WFDC8: variants seen among roughly 807,000 people sequenced by gnomAD.
WFDC8 encodes the protein WAP four-disulfide core domain protein 8.
A neutral mutation model predicts 27.0 loss-of-function variants in WFDC8; 24 were observed. The ratio of observed to expected loss-of-function variants is 0.89; its 90% confidence interval spans 0.64 to 1.25. The LOEUF (loss-of-function observed/expected upper bound fraction) is 1.25, where lower values mean the gene tolerates loss of function less well. WFDC8 is among the 50% of genes most tolerant of loss of function. WFDC8 has a pLI of 0.00. For missense variants in WFDC8, 287 were observed against 295.9 expected (o/e 0.97, Z 0.22); for synonymous variants, 106 against 99.7 (o/e 1.06, Z -0.38).
At position 45,579,221 on chromosome 20, in the gene WFDC8, C is replaced by T. The variant is rs780668727; in HGVS notation, c.26+1G>A. On this transcript the variant is annotated splice_donor_variant, in intron 1 of 5. Transcript: ENST00000289953. LOFTEE classifies it high-confidence loss of function. Reference sequence around the variant, plus strand: ...CCCACCCCCATAGACACCCTCCTCACCCTCCTTCAGTTCGGACAGTCCACA... The same window carrying T: ...CCCACCCCCATAGACACCCTCCTCATCCTCCTTCAGTTCGGACAGTCCACA... 8 of 1,613,688 alleles carry T rather than the reference C, an allele frequency of 5.0e-6. No individual in the cohort carries two copies. Among genetic ancestry groups the T allele is most frequent in the Non-Finnish European group, 6.8e-6 (8 of 1,179,930 alleles).
chr20:45,572,753 T>C (rs145676090), intron 1 of WFDC8, among the ~76,000 whole-genome samples: 3 of 152,314 alleles, frequency 2.0e-5, no homozygotes, highest in Non-Finnish European at 2.9e-5. Flanking sequence ...ACTACAGGCA[T>C]GCGCCATCAT....
chr20:45,555,910 G>T, intron 3 of WFDC8, 42 bp from the exon 4 acceptor site: 1 of 1,590,752 alleles, frequency 6.3e-7, no homozygotes, highest in African/African-American at 1.3e-5. Context: ...GAAGAGTAGA[G>T]ATAAAAGAAC....
chr20:45,551,210 A>G (rs1980021680), downstream of WFDC8: 1 of 152,220 alleles, frequency 6.6e-6, no homozygotes, highest in South Asian at 2.1e-4. Flanking sequence ...AAAATTTAGT[A>G]ATTTATTATG....
chr20:45,553,323 C>T (rs775985954), intron 4 of WFDC8, 47 bp from the exon 5 acceptor site: 1 of 1,578,596 alleles, frequency 6.3e-7, no homozygotes, highest in Non-Finnish European at 8.6e-7. Flanking sequence ...ACCCCCATCC[C>T]ACCACCCTTC....
chr20:45,561,739 CGT>C (rs10534885), intron 2 of WFDC8, among the ~76,000 whole-genome samples: 6,556 of 147,644 alleles, frequency 0.044, 222 homozygotes, highest in East Asian at 0.19. Context: ...ATTAAACTTG[CGT>C]GTGTGTGTGT....
intron 5 of WFDC8, among the ~76,000 whole-genome samples, chr20:45,552,934 A>T (rs1190572604): frequency 6.6e-6 from 1 of 152,226 alleles, no homozygotes; most frequent in Non-Finnish European, 1.5e-5. Flanking sequence ...GCTATGAATT[A>T]CTGGCTTTGA....
intron 1 of WFDC8, among the ~76,000 whole-genome samples, chr20:45,572,014 T>C (rs1980884405): frequency 6.6e-6 from 1 of 152,218 alleles, no homozygotes; most frequent in African/African-American, 2.4e-5. Context: ...TGCTGGATTA[T>C]GCAGTAATTC....
chr20:45,565,194 T>C (rs1980635743), intron 1 of WFDC8, among the ~76,000 whole-genome samples: 1 of 152,114 alleles, frequency 6.6e-6, no homozygotes, highest in Admixed American at 6.6e-5. Flanking sequence ...GAGATTTTGA[T>C]TGAAATCCAC....
intron 2 of WFDC8, among the ~76,000 whole-genome samples, chr20:45,560,141 A>G (rs1226895388): frequency 6.6e-6 from 1 of 152,244 alleles, no homozygotes; most frequent in Non-Finnish European, 1.5e-5. Context: ...TCTGGTTGGT[A>G]GAGAAGAATT....
At chr20:45,556,259 T>C (rs1387735616) in intron 3 of WFDC8, among the ~76,000 whole-genome samples, 1 of 152,244 alleles carries the variant, frequency 6.6e-6, no homozygotes, top group African/African-American at 2.4e-5. Context: ...CTTAAATAAA[T>C]GTGGTTATAT....
At chr20:45,561,051 A>G (rs938474604) in intron 2 of WFDC8, among the ~76,000 whole-genome samples, 1 of 152,182 alleles carries the variant, frequency 6.6e-6, no homozygotes, top group Admixed American at 6.5e-5. Flanking sequence ...ACTGGGTTTG[A>G]GTTGTTGTAG....
chr20:45,556,084 A>C (rs1980235520), intron 3 of WFDC8, among the ~76,000 whole-genome samples: 1 of 152,224 alleles, frequency 6.6e-6, no homozygotes, highest in South Asian at 2.1e-4. Flanking sequence ...CTTGCAAAGA[A>C]TATTACAAGG....
Position 45,562,156 on chromosome 20 carries a change from G to T in WFDC8, c.90C>A (p.Ser30=). ...TTGCAGAAGTCCACTCCAAAGCAAG[G>T]GAGAGAAGCAGCAGGAAAGCTACAT... is the stretch of plus-strand genomic sequence containing the variant. ...WRNVAFLLLL[S]LALEWTSAML... The change falls in exon 2 of 6, where the codon TCC becomes TCA. Residue 30 remains serine (S), a synonymous_variant. Coordinates refer to ENST00000289953, the MANE Select transcript of WFDC8 (RefSeq NM_130896.3). The T allele has an allele frequency of 6.2e-7, 1 of 1,614,164 alleles. No homozygotes were observed. The highest frequency in any genetic ancestry group is 8.5e-7 in the Non-Finnish European group (1 of 1,180,028).
At chr20:45,557,647 G>A (rs1015869147) in intron 3 of WFDC8, among the ~76,000 whole-genome samples, 12 of 152,102 alleles carry the variant, frequency 7.9e-5, no homozygotes, top group Non-Finnish European at 1.8e-4. Context: ...TGGTCAGGCT[G>A]GTGTCGAACT....
chr20:45,576,304 T>C (rs766565189), intron 1 of WFDC8, among the ~76,000 whole-genome samples: 1 of 151,476 alleles, frequency 6.6e-6, no homozygotes, highest in Non-Finnish European at 1.5e-5. Context: ...ATTTGATTGG[T>C]TTAGGTAAAT....
At chr20:45,572,897 G>A (rs1055014480) in intron 1 of WFDC8, among the ~76,000 whole-genome samples, 6 of 152,210 alleles carry the variant, frequency 3.9e-5, no homozygotes, top group Non-Finnish European at 8.8e-5. Flanking sequence ...GTGAGCCACC[G>A]CGCCCAGCCT....
chr20:45,559,720 TA>T (rs1489270027), intron 2 of WFDC8: 1 of 152,146 alleles, frequency 6.6e-6, no homozygotes, highest in Non-Finnish European at 1.5e-5. Context: ...TTTTTATTTT[TA>T]TTTTTTTACT....
chr20:45,575,232 C>T (rs1981003543), intron 1 of WFDC8, among the ~76,000 whole-genome samples: 1 of 152,054 alleles, frequency 6.6e-6, no homozygotes. Flanking sequence ...ACGAAATTGC[C>T]TCTGTTTACT....
Position 45,558,851 on chromosome 20 carries a change from C to T in WFDC8, c.277+1G>A, listed in dbSNP as rs149706987. The T allele has an allele frequency of 6.2e-7, 1 of 1,613,996 alleles. No individual in the cohort carries two copies. Among genetic ancestry groups the T allele is most frequent in the African/African-American group, 1.3e-5 (1 of 74,918 alleles). Reference sequence around the variant, plus strand: ...TCTGTCCTCAGCCTGGACATCGCTACCTTGAAAGGGATCCATGCACTTCTT... The same window carrying T: ...TCTGTCCTCAGCCTGGACATCGCTATCTTGAAAGGGATCCATGCACTTCTT... On this transcript the variant is annotated splice_donor_variant, in intron 3 of 5. Coordinates refer to ENST00000289953, the MANE Select transcript of WFDC8 (RefSeq NM_130896.3). LOFTEE classifies it high-confidence loss of function.
Sources: allele counts gnomAD v4.1 joint callset (sites outside exome capture counted in the v4.1 genomes callset), GRCh38; gene constraint gnomAD v4.1.1; transcripts MANE v1.5; gene names NCBI Gene and HGNC (gene_info 2026-07-23, HGNC 2026-07-21).